MAST1: variants seen among roughly 807,000 people sequenced by gnomAD.
MAST1 encodes the protein microtubule-associated serine/threonine-protein kinase 1.
A neutral mutation model predicts 124.6 loss-of-function variants in MAST1; 40 were observed. The ratio of observed to expected loss-of-function variants is 0.32; its 90% CI spans 0.25 to 0.42. MAST1 has a LOEUF of 0.42. Among genes scored for constraint, MAST1 ranks in the 10% least tolerant of loss-of-function variants. The pLI is 1.00. For synonymous variants in MAST1, 938 were observed against 939.4 expected, an observed-to-expected ratio of 1.00 and a Z score of 0.03; for missense variants, 1,558 against 2,181.9, an observed-to-expected ratio of 0.71 and a Z score of 5.70.
chr19:12,858,652 A>T lies in MAST1; in HGVS notation c.1279A>T (p.Thr427Ser). ...QQAFVERDIL[T>S]FAENPFVVGM... is the part of the protein sequence containing the mutation. ...GGCCTTTGTGGAGCGCGATATCCTC[A>T]CCTTCGCCGAGAACCCGTTTGTGGT... Residue 427 changes from threonine (T) to serine (S), a missense_variant, in exon 12 of 26, where the codon ACC (threonine) becomes TCC (serine). By Grantham distance (58) the Thr-to-Ser change is moderately conservative. Coordinates refer to ENST00000251472, the MANE Select transcript of MAST1 (RefSeq NM_014975.3). 1.2e-6 allele frequency: 2 copies of T among 1,614,114 alleles called. No individual in the cohort carries two copies. The highest frequency in any genetic ancestry group is 1.7e-6 in the Non-Finnish European group (2 of 1,180,006).
At chr19:12,864,597 A>T (rs1448089441) in intron 12 of MAST1, among the ~76,000 whole-genome samples, 2 of 152,072 alleles carry the variant, frequency 1.3e-5, no homozygotes, top group Non-Finnish European at 2.9e-5. Flanking sequence ...CCCTTTGTGT[A>T]TAAGATGAGC....
At chr19:12,867,344 T>C (rs1970168147) in intron 18 of MAST1, 130 bp from the exon 19 acceptor site, 1 of 1,002,608 alleles carries the variant, frequency 1.0e-6, no homozygotes, top group Non-Finnish European at 1.5e-6. Flanking sequence ...TGGGGGATCA[T>C]GCACAATTGG....
intron 10 of MAST1, 148 bp downstream of exon 10, chr19:12,852,543 A>T: frequency 1.3e-6 from 1 of 771,748 alleles, no homozygotes; most frequent in Non-Finnish European, 2.2e-6. Flanking sequence ...TGGGATTAAT[A>T]ATAGCTCTTC....
At chr19:12,858,798 G>C (rs779163962) in intron 12 of MAST1, 59 bp downstream of exon 12, 3 of 1,574,946 alleles carry the variant, frequency 1.9e-6, no homozygotes, top group Non-Finnish European at 1.7e-6. Context: ...TCAGGGCTGC[G>C]GGGTGGCCTG....
intron 4 of MAST1, among the ~76,000 whole-genome samples, chr19:12,845,411 CA>C (rs540488398): frequency 0.26 from 18,089 of 68,916 alleles, 1,479 homozygotes; most frequent in Non-Finnish European, 0.31. Context: ...CCTGTTTCTA[CA>C]AAAAAAAAAA....
chr19:12,865,690 G>A lies in MAST1; in HGVS notation c.1805-27G>A, dbSNP rs535743555. The A allele has an allele frequency of 9.6e-5, 152 of 1,576,152 alleles. 1 individual carries two copies. The South Asian group carries it at 1.6e-3, about 17-fold the overall frequency. ...CCAAACAACAACAACAACAAAAACC[G>A]CCCCTAAGTTCCGTTTTGTTTTGCA... On this transcript the variant is annotated intron_variant, in intron 15 of 25. Transcript: ENST00000251472. This position sits in a 1 kb window ranked among gnomAD's most constrained non-coding sequence, Gnocchi z 7.1.
chr19:12,852,231 C>T lies in MAST1; in HGVS notation c.993C>T (p.Thr331=), dbSNP rs202164797. Residue 331 remains threonine, a synonymous_variant, in exon 9 of 26, where the codon ACC becomes ACT. Coordinates refer to ENST00000251472, the MANE Select transcript of MAST1 (RefSeq NM_014975.3). The part of the protein sequence containing the change: ...PRYIIRQLGL[T]RDPFPDVVHL... ...ACATCATCCGCCAGCTGGGCCTCAC[C>T]CGTGACCCCTTTCCAGGTGCCGGCT... The T allele has an allele frequency of 1.3e-4, 206 of 1,614,080 alleles. 1 individual carries two copies. The East Asian group carries it at 4.6e-3, about 36-fold the overall frequency.
intron 18 of MAST1, among the ~76,000 whole-genome samples, chr19:12,867,080 C>A (rs1034627003): frequency 1.3e-5 from 2 of 152,086 alleles, no homozygotes; most frequent in African/African-American, 2.4e-5. Flanking sequence ...TAAAGCCCAG[C>A]GAAGTCTTGC....
Position 12,841,913 on chromosome 19 carries a change from C to T in MAST1, c.248+847C>T, listed in dbSNP as rs2145884033. ...AGGGCAATAGAGAGCCAGGACAAGG[C>T]TCTGGGATAGGGTCTCACATGTTTA... On this transcript the variant is annotated intron_variant, in intron 3 of 25. Coordinates refer to ENST00000251472, the MANE Select transcript of MAST1 (RefSeq NM_014975.3). The surrounding 1 kb of genome is among the most constrained non-coding windows in gnomAD (Gnocchi z 4.3). Among the ~76,000 whole-genome samples, 1 of 152,244 alleles carries T rather than the reference C, an allele frequency of 6.6e-6. No individual in the cohort carries two copies. Among genetic ancestry groups the T allele is most frequent in the East Asian group, 1.9e-4 (1 of 5,176 alleles).
At chr19:12,859,468 C>T (rs1038464677) in intron 12 of MAST1, among the ~76,000 whole-genome samples, 2 of 152,036 alleles carry the variant, frequency 1.3e-5, no homozygotes, top group African/African-American at 4.8e-5. Flanking sequence ...CTCACTGCAG[C>T]CTCAAATGCC....
At chr19:12,863,522 C>T (rs1970111732) in intron 12 of MAST1, among the ~76,000 whole-genome samples, 1 of 152,198 alleles carries the variant, frequency 6.6e-6, no homozygotes, top group East Asian at 1.9e-4. Flanking sequence ...TCAAACCATT[C>T]CATCAGGAAA....
intron 4 of MAST1, among the ~76,000 whole-genome samples, chr19:12,845,584 G>C (rs1399605430): frequency 6.7e-6 from 1 of 148,888 alleles, no homozygotes; most frequent in Admixed American, 6.7e-5. Flanking sequence ...ACCCTGTCTC[G>C]AAATAAAAAA....
chr19:12,843,526 C>T lies in MAST1; in HGVS notation c.249-3C>T. 1 of 1,613,182 alleles carries T rather than the reference C, an allele frequency of 6.2e-7. No individual in the cohort carries two copies. On this transcript the variant is annotated splice_region_variant and splice_polypyrimidine_tract_variant and intron_variant, in intron 3 of 25. Transcript: ENST00000251472. This position sits in a 1 kb window ranked among gnomAD's most constrained non-coding sequence, Gnocchi z 4.9. ...GCCTCTGAGCACCTTGGCTGGGTTCCAGGGCGGACGGACGCCGGTGGTCTC... is the reference window on the plus strand; with the variant it reads ...GCCTCTGAGCACCTTGGCTGGGTTCTAGGGCGGACGGACGCCGGTGGTCTC...
chr19:12,853,792 C>T (rs1969989906), intron 10 of MAST1, among the ~76,000 whole-genome samples: 1 of 150,866 alleles, frequency 6.6e-6, no homozygotes, highest in African/African-American at 2.4e-5. Context: ...ATTGCTTGAA[C>T]CCGGGAGGTG....
At chr19:12,869,011 A>C in intron 21 of MAST1, 55 bp from the exon 22 acceptor site, 1 of 1,580,440 alleles carries the variant, frequency 6.3e-7, no homozygotes, top group Non-Finnish European at 8.7e-7. Flanking sequence ...GAGCAGATAC[A>C]GGGAGATGTC....
chr19:12,854,947 T>C (rs1015344296), intron 10 of MAST1, among the ~76,000 whole-genome samples: 2 of 152,026 alleles, frequency 1.3e-5, no homozygotes, highest in Admixed American at 1.3e-4. Flanking sequence ...TTCAAAAATT[T>C]GGGCTGGGCC....
chr19:12,845,632 C>A (rs1969884345), intron 4 of MAST1, among the ~76,000 whole-genome samples: 1 of 150,266 alleles, frequency 6.7e-6, no homozygotes, highest in Non-Finnish European at 1.5e-5. Context: ...GGCATAGTGG[C>A]TCATGCCTGT....
intron 12 of MAST1, among the ~76,000 whole-genome samples, chr19:12,859,148 CG>C (rs1970050722): frequency 6.6e-6 from 1 of 152,046 alleles, no homozygotes; most frequent in Non-Finnish European, 1.5e-5. Context: ...GGTGCAATCT[CG>C]GTTCACTGCA....
At position 12,874,580 on chromosome 19, in the gene MAST1, C is replaced by T. The variant is rs1021631104; in HGVS notation, c.4423C>T (p.Arg1475Trp). 25 of 1,507,484 alleles carry T rather than the reference C, an allele frequency of 1.7e-5. No homozygotes were observed. Among genetic ancestry groups the T allele is most frequent in the South Asian group, 1.3e-4 (10 of 75,050 alleles). 93.4% of individuals were successfully genotyped at this position (1,507,484 alleles called of 1,614,324 possible). A position where few individuals can be genotyped will look rare whatever the true frequency, so the allele number is the denominator to read the frequency against. ...PLAPSVPEAP[R>W]GRERWVLEVV... The stretch of plus-strand genomic sequence containing the variant: ...GGCGCCTTCCGTGCCCGAGGCCCCC[C>T]GGGGCCGGGAGCGCTGGGTGTTGGA... Residue 1475 changes from arginine (R) to tryptophan (W), a missense_variant, in exon 26 of 26, where the codon CGG (arginine) becomes TGG (tryptophan). Around this residue, in one of 10 missense-constraint regions of MAST1, gnomAD observed 168 missense variants for 154.3 expected, o/e 1.09. Coordinates refer to ENST00000251472, the MANE Select transcript of MAST1 (RefSeq NM_014975.3). The surrounding 1 kb of genome is among the most constrained non-coding windows in gnomAD (Gnocchi z 6.6).
Sources: gnomAD v4.1 joint callset for allele counts (sites outside exome capture counted in the v4.1 genomes callset) on GRCh38, gnomAD v4.1.1 for gene constraint, gnomAD v4.1.1 regional missense constraint, Gnocchi (gnomAD v3.1) non-coding constraint, MANE v1.5 for transcripts, NCBI Gene and HGNC (gene_info 2026-07-23, HGNC 2026-07-21) for gene names.